The following LIG3 variants were observed in gnomAD, a reference collection of about 807,000 sequenced individuals.
LIG3 encodes DNA ligase 3, also known as ligase II, DNA, ATP-dependent.
Under a neutral mutation model 110.9 loss-of-function variants are expected in LIG3, and 58 were observed. That is an observed-to-expected ratio of 0.52 (90% confidence interval 0.42 to 0.65). The LOEUF is 0.65. Ranked by LOEUF, LIG3 falls within the 30% of genes least tolerant of loss-of-function variation. The probability of loss-of-function intolerance (pLI) is 0.00; values close to 1 mark genes in which losing one functional copy is unlikely to be tolerated. For missense variants in LIG3, 1,094 were observed against 1,273.8 expected (o/e 0.86, Z 2.15); for synonymous variants, 422 against 472.8 (o/e 0.89, Z 1.39).
intron 11 of LIG3, 51 bp from the exon 12 acceptor site, chr17:34,997,687 A>G (rs1349724482): frequency 7.5e-7 from 1 of 1,336,524 alleles, no homozygotes; most frequent in Non-Finnish European, 1.1e-6. Flanking sequence ...CAGAATTCCT[A>G]ATAAGGGAGG....
Position 34,998,397 on chromosome 17 carries a change from G to T in LIG3, c.1989+101G>T. On this transcript the variant is annotated intron_variant, in intron 13 of 19. Coordinates refer to ENST00000378526, the MANE Select transcript of LIG3 (RefSeq NM_013975.4). ...GGAGATGGCGGTGGCAGCCTGCAGTGGTTGGGGTGGCTGCTGGGGAAGTGT... is the reference window on the plus strand; with the variant it reads ...GGAGATGGCGGTGGCAGCCTGCAGTTGTTGGGGTGGCTGCTGGGGAAGTGT... 5.1e-6 allele frequency: 6 copies of T among 1,179,776 alleles called. No individual in the cohort carries two copies. The South Asian group carries it at 8.4e-5, about 17-fold the overall frequency. The allele number at this position is 1,179,776 out of a possible 1,614,324, so 73.1% of individuals were successfully genotyped here.
Position 34,983,004 on chromosome 17 carries a change from A to G in LIG3, c.-2A>G, listed in dbSNP as rs201094446. 3.2e-5 allele frequency: 49 copies of G among 1,536,100 alleles called. No individual in the cohort carries two copies. The highest frequency in any genetic ancestry group is 1.8e-4 in the Middle Eastern group (1 of 5,620). ...TGGCCTCCTACTCTTTCGTACAGCT[A>G]TATGTCTTTGGCTTTCAAGATCTTC... On this transcript the variant is annotated splice_region_variant and 5_prime_UTR_variant, in exon 2 of 20. Coordinates refer to ENST00000378526, the MANE Select transcript of LIG3 (RefSeq NM_013975.4).
At chr17:35,010,121 G>A (rs1272471116), downstream of LIG3, 1 of 152,308 alleles carries the variant, frequency 6.6e-6, no homozygotes, top group Non-Finnish European at 1.5e-5. Flanking sequence ...GGGTTTAGTG[G>A]TTGGTGATGG....
At chr17:34,991,620 C>T (rs779258864) in intron 5 of LIG3, 51 bp from the exon 6 acceptor site, 1 of 1,594,504 alleles carries the variant, frequency 6.3e-7, no homozygotes, top group Admixed American at 1.7e-5. Flanking sequence ...TTGGGGGATA[C>T]ACTTGGCCAC....
In LIG3 at chr17:35,002,047, C is replaced by T. The variant is rs199522959; in HGVS notation, c.2617C>T (p.Pro873Ser). 3.7e-6 allele frequency: 6 copies of T among 1,605,132 alleles called. No homozygotes were observed. In the East Asian group the frequency reaches 1.3e-4, roughly 36 times the overall value. ...SAVSRKAPSK[P>S]SASTKKAEGK... is the part of the protein sequence containing the mutation. Reference sequence around the variant, plus strand: ...TGTGTCCCGCAAGGCCCCCAGCAAGCCCTCAGCCAGTACCAAGAAAGCAGA... The same window carrying T: ...TGTGTCCCGCAAGGCCCCCAGCAAGTCCTCAGCCAGTACCAAGAAAGCAGA... Residue 873 changes from proline (P) to serine (S), a missense_variant, in exon 18 of 20, where the codon CCC (proline) becomes TCC (serine). Coordinates refer to ENST00000378526, the MANE Select transcript of LIG3 (RefSeq NM_013975.4).
rs2090568429 is a variant in LIG3, at chr17:34,980,527, T to C, written c.-100T>C. 1.6e-6 allele frequency: 2 copies of C among 1,283,484 alleles called. No individual in the cohort carries two copies. Among genetic ancestry groups the C allele is most frequent in the Admixed American group, 2.3e-5 (1 of 43,042 alleles). 79.5% of individuals were successfully genotyped at this position (1,283,484 alleles called of 1,614,324 possible). Reference sequence around the variant, plus strand: ...GCTGCCTCCCGCTCTAGGACCCGGATTTAAAGAGACAGGCGCTCCAACCGT... The same window carrying C: ...GCTGCCTCCCGCTCTAGGACCCGGACTTAAAGAGACAGGCGCTCCAACCGT... On this transcript the variant is annotated 5_prime_UTR_variant, in exon 1 of 20. Coordinates refer to ENST00000378526, the MANE Select transcript of LIG3 (RefSeq NM_013975.4).
chr17:35,005,086 A>T lies in LIG3; in HGVS notation c.*580A>T. 3.0e-6 allele frequency: 1 copy of T among 337,716 alleles called. No homozygotes were observed. Among genetic ancestry groups the T allele is most frequent in the South Asian group, 2.4e-5 (1 of 41,264 alleles). 20.9% of individuals were successfully genotyped at this position (337,716 alleles called of 1,614,324 possible). A position where few individuals can be genotyped will look rare whatever the true frequency, so the allele number is the denominator to read the frequency against. The stretch of plus-strand genomic sequence containing the variant: ...TTTCTTCTCTGTGTTCTCCTATTAC[A>T]TGGTGAGGATCCCCAGTTTGAAGGG... On this transcript the variant is annotated 3_prime_UTR_variant, in exon 20 of 20. Transcript: ENST00000378526.
At chr17:34,995,993 G>T in intron 9 of LIG3, 71 bp from the exon 10 acceptor site, 1 of 1,558,216 alleles carries the variant, frequency 6.4e-7, no homozygotes, top group South Asian at 1.2e-5. Context: ...CCCGGGCTTT[G>T]CCCTCCATGG....
rs538750397 is a variant in LIG3, at chr17:35,005,708, G to A, written c.*1202G>A. On this transcript the variant is annotated 3_prime_UTR_variant, in exon 20 of 20. Transcript: ENST00000378526. ...GTTTTTTCATGGCTGGAGTATTCAT[G>A]TGAATGAAACTGCCGGGCTATCTGA... 210 of 560,710 alleles carry A rather than the reference G, an allele frequency of 3.7e-4. 5 individuals carry two copies. Among genetic ancestry groups the A allele is most frequent in the South Asian group, 2.8e-3 (203 of 72,658 alleles). The allele number at this position is 560,710 out of a possible 1,614,324, so 34.7% of individuals were successfully genotyped here.
chr17:35,000,593 G>A (rs1426987053), intron 16 of LIG3, among the ~76,000 whole-genome samples: 3 of 147,946 alleles, frequency 2.0e-5, no homozygotes, highest in Admixed American at 2.0e-4. Flanking sequence ...ATTGCTTCTA[G>A]CTGGTTGGGA....
chr17:34,991,794 A>G lies in LIG3; in HGVS notation c.1165A>G (p.Lys389Glu). The G allele has an allele frequency of 6.2e-7, 1 of 1,614,096 alleles. No individual in the cohort carries two copies. Among genetic ancestry groups the G allele is most frequent in the Non-Finnish European group, 8.5e-7 (1 of 1,180,006 alleles). The change falls in exon 6 of 20, where the codon AAG becomes GAG. Residue 389 changes from lysine to glutamate, a missense_variant. By Grantham distance (56) the Lys-to-Glu change is moderately conservative. Coordinates refer to ENST00000378526, the MANE Select transcript of LIG3 (RefSeq NM_013975.4). The part of the protein sequence containing the change: ...EFLLRLSKLT[K>E]EDEQQQALQD... ...CCTTCTGCGGCTGTCCAAGCTCACC[A>G]AGGAGGATGAGCAGCAACAGGCCCT...
intron 15 of LIG3, 138 bp from the exon 16 acceptor site, chr17:34,999,644 C>T: frequency 9.5e-7 from 1 of 1,056,636 alleles, no homozygotes; most frequent in Non-Finnish European, 1.4e-6. Context: ...CTAGGTCATA[C>T]CCACTCTGGG....
At chr17:34,995,990 T>A in intron 9 of LIG3, 74 bp from the exon 10 acceptor site, 2 of 1,554,566 alleles carry the variant, frequency 1.3e-6, no homozygotes, top group Non-Finnish European at 1.7e-6. Flanking sequence ...GGGCCCGGGC[T>A]TTGCCCTCCA....
At chr17:35,000,921 G>C (rs2090834220) in intron 16 of LIG3, among the ~76,000 whole-genome samples, 1 of 149,126 alleles carries the variant, frequency 6.7e-6, no homozygotes, top group Admixed American at 6.7e-5. Context: ...GCCAATACTT[G>C]CTTCTCCCTT....
chr17:34,990,229 A>G (rs3135977), intron 4 of LIG3, among the ~76,000 whole-genome samples: 3,846 of 152,296 alleles, frequency 0.025, 167 homozygotes, highest in African/African-American at 0.087. Context: ...CTATAGGAGC[A>G]TGGGCAGCGA....
Position 35,005,124 on chromosome 17 carries a change from T to C in LIG3, c.*618T>C. The C allele has an allele frequency of 5.6e-6, 2 of 354,446 alleles. No individual in the cohort carries two copies. Among genetic ancestry groups the C allele is most frequent in the Non-Finnish European group, 1.1e-5 (2 of 179,200 alleles). The allele number at this position is 354,446 out of a possible 1,614,324, so 22.0% of individuals were successfully genotyped here. The stretch of plus-strand genomic sequence containing the variant: ...CCAGTTTGAAGGGAGGGGACTAGGG[T>C]CAGGTAGGAAAATGGGGCCTTTATG... On this transcript the variant is annotated 3_prime_UTR_variant, in exon 20 of 20. Transcript: ENST00000378526.
At chr17:35,002,207 TTATCTGTGTCCAC>T in intron 18 of LIG3, 103 bp downstream of exon 18, 1 of 1,021,834 alleles carries the variant, frequency 9.8e-7, no homozygotes, top group Non-Finnish European at 1.4e-6. Context: ...GATCTCATGA[TTATCTGTGTCCAC>T]TGCAGTGGAC....
chr17:34,984,510 G>A lies in LIG3; in HGVS notation c.547+958G>A, dbSNP rs536612441. On this transcript the variant is annotated intron_variant, in intron 2 of 19. Transcript: ENST00000378526. ...TCTTGAGCATAGCAAGATGCTTTTA[G>A]TCTTATCCCGTATGTATCCTTCCCC... 1.5e-4 allele frequency among the ~76,000 whole-genome samples: 23 copies of A among 152,056 alleles called. No homozygotes were observed. The South Asian group carries it at 4.4e-3, about 29-fold the overall frequency.
chr17:34,997,884 T>A, intron 12 of LIG3, 59 bp downstream of exon 12: 1 of 1,277,274 alleles, frequency 7.8e-7, no homozygotes, highest in South Asian at 1.2e-5. Context: ...GGCAGAGAAC[T>A]CCTTGGGTCA....
Sources: allele counts gnomAD v4.1 joint callset (sites outside exome capture counted in the v4.1 genomes callset), GRCh38; gene constraint gnomAD v4.1.1; transcripts MANE v1.5; gene names NCBI Gene and HGNC (gene_info 2026-07-23, HGNC 2026-07-21).